PARP11: variants seen among roughly 807,000 people sequenced by gnomAD.
PARP11 encodes protein mono-ADP-ribosyltransferase PARP11.
Under a neutral mutation model 42.9 loss-of-function variants are expected in PARP11, and 31 were observed. The ratio of observed to expected loss-of-function variants is 0.72; its 90% CI spans 0.54 to 0.98. The LOEUF is 0.98. PARP11 is among the 50% of genes least tolerant of loss of function. The pLI is 0.00. For missense variants in PARP11, 365 were observed against 413.1 expected, an observed-to-expected ratio of 0.88 and a Z score of 1.01; for synonymous variants, 137 against 127.3, an observed-to-expected ratio of 1.08 and a Z score of -0.51.
intron 4 of PARP11, among the ~76,000 whole-genome samples, chr12:3,825,628 T>C (rs1947502551): frequency 6.6e-6 from 1 of 152,200 alleles, no homozygotes; most frequent in Non-Finnish European, 1.5e-5. Context: ...AATGTAAATA[T>C]ACAAGAAGGA....
chr12:3,840,687 G>A lies in PARP11; in HGVS notation c.19-10669C>T. 2 of 1,223,014 alleles carry A rather than the reference G, an allele frequency of 1.6e-6. No individual in the cohort carries two copies. Among genetic ancestry groups the A allele is most frequent in the Non-Finnish European group, 2.4e-6 (2 of 822,782 alleles). 75.8% of individuals were successfully genotyped at this position (1,223,014 alleles called of 1,614,324 possible). On this transcript the variant is annotated intron_variant, in intron 1 of 7. Transcript: ENST00000228820. This position sits in a 1 kb window ranked among gnomAD's most constrained non-coding sequence, Gnocchi z 4.4. ...CACGTAAGTGATAGAAAAGGAAGCA[G>A]GCGGAGAATGGATACAGAAGAACGA...
chr12:3,842,613 CTCTT>C, intron 1 of PARP11: 1 of 805,630 alleles, frequency 1.2e-6, no homozygotes, highest in Non-Finnish European at 2.0e-6. Context: ...CCAGTTGGAA[CTCTT>C]TCCTCTCCCC....
At chr12:3,848,247 G>T (rs1471042553) in intron 1 of PARP11, among the ~76,000 whole-genome samples, 1 of 151,956 alleles carries the variant, frequency 6.6e-6, no homozygotes, top group African/African-American at 2.4e-5. Context: ...CAATTTACAG[G>T]TTCAACATAA....
chr12:3,812,097 T>A lies in PARP11; in HGVS notation c.*26A>T. The A allele has an allele frequency of 6.6e-7, 1 of 1,521,912 alleles. No homozygotes were observed. Among genetic ancestry groups the A allele is most frequent in the Non-Finnish European group, 8.8e-7 (1 of 1,130,766 alleles). 94.3% of individuals were successfully genotyped at this position (1,521,912 alleles called of 1,614,324 possible). On this transcript the variant is annotated 3_prime_UTR_variant, in exon 8 of 8. Coordinates refer to ENST00000228820, the MANE Select transcript of PARP11 (RefSeq NM_020367.6). ...TCCTGCAAAAAAGAATAAAGCTTCC[T>A]TGACCACCGAGATTTGGAAGTGAAA...
intron 1 of PARP11, among the ~76,000 whole-genome samples, chr12:3,846,086 A>G (rs904769329): frequency 5.3e-5 from 8 of 152,244 alleles, no homozygotes; most frequent in African/African-American, 1.9e-4. Flanking sequence ...AAGTGTTAAA[A>G]GGAAACTAGT....
intron 1 of PARP11, among the ~76,000 whole-genome samples, chr12:3,858,208 A>G (rs1948225875): frequency 6.6e-6 from 1 of 152,250 alleles, no homozygotes; most frequent in African/African-American, 2.4e-5. Context: ...GAAGAAGTGA[A>G]TATCAAAGAT....
chr12:3,822,531 G>A (rs1197664270), intron 4 of PARP11, among the ~76,000 whole-genome samples: 8 of 149,728 alleles, frequency 5.3e-5, no homozygotes, highest in Admixed American at 2.7e-4. Context: ...CCCGGGAGGC[G>A]GAGCTTGCAG....
At chr12:3,863,777 T>C (rs1948340824) in intron 1 of PARP11, 1 of 152,314 alleles carries the variant, frequency 6.6e-6, no homozygotes, top group South Asian at 2.1e-4. Flanking sequence ...TGAGCCAAAG[T>C]GTACAGGGCT....
Position 3,811,615 on chromosome 12 carries a change from T to A in PARP11, c.*508A>T, listed in dbSNP as rs1036720866. On this transcript the variant is annotated 3_prime_UTR_variant, in exon 8 of 8. Coordinates refer to ENST00000228820, the MANE Select transcript of PARP11 (RefSeq NM_020367.6). ...CTGATTTCTCTCAAGGTGCTCAGACTGTTTCAGAGTTTTAAATCCCCCCTT... is the reference window on the plus strand; with the variant it reads ...CTGATTTCTCTCAAGGTGCTCAGACAGTTTCAGAGTTTTAAATCCCCCCTT... The A allele has an allele frequency of 2.0e-5, 3 of 152,528 alleles. No individual in the cohort carries two copies. Among genetic ancestry groups the A allele is most frequent in the African/African-American group, 7.2e-5 (3 of 41,472 alleles). 9.4% of individuals were successfully genotyped at this position (152,528 alleles called of 1,614,324 possible).
chr12:3,825,948 T>G (rs1335427027), intron 4 of PARP11, among the ~76,000 whole-genome samples: 1 of 152,124 alleles, frequency 6.6e-6, no homozygotes, highest in East Asian at 1.9e-4. Context: ...GCCAAGATGG[T>G]CTCGATCTCC....
At chr12:3,869,599 C>T (rs912374554) in intron 1 of PARP11, among the ~76,000 whole-genome samples, 1 of 152,218 alleles carries the variant, frequency 6.6e-6, no homozygotes, top group African/African-American at 2.4e-5. Context: ...TCCCCACCTT[C>T]CAGCCAACCT....
intron 1 of PARP11, among the ~76,000 whole-genome samples, chr12:3,835,826 A>AT (rs1947750074): frequency 6.6e-6 from 1 of 152,148 alleles, no homozygotes; most frequent in South Asian, 2.1e-4. Flanking sequence ...ATTAATAGAC[A>AT]TTATGTAACA....
At chr12:3,842,502 G>A in intron 1 of PARP11, 1 of 1,595,666 alleles carries the variant, frequency 6.3e-7, no homozygotes. Context: ...ATGGCCATAG[G>A]GGACAGCACG....
At chr12:3,819,787 A>G (rs533791982) in intron 6 of PARP11, among the ~76,000 whole-genome samples, 8 of 152,236 alleles carry the variant, frequency 5.3e-5, no homozygotes, top group African/African-American at 1.9e-4. Flanking sequence ...TAAGGCTACT[A>G]AAGACGATCA....
At chr12:3,825,242 A>C (rs1947494612) in intron 4 of PARP11, among the ~76,000 whole-genome samples, 1 of 152,248 alleles carries the variant, frequency 6.6e-6, no homozygotes, top group Non-Finnish European at 1.5e-5. Context: ...TCACATGAAT[A>C]ATAAATATGT....
At chr12:3,866,746 C>A (rs1948399415) in intron 1 of PARP11, among the ~76,000 whole-genome samples, 1 of 152,294 alleles carries the variant, frequency 6.6e-6, no homozygotes, top group Non-Finnish European at 1.5e-5. Flanking sequence ...TCAGCTAAAA[C>A]AGGTAAAAAT....
intron 1 of PARP11, among the ~76,000 whole-genome samples, chr12:3,854,205 C>T (rs1205356871): frequency 6.6e-6 from 1 of 152,070 alleles, no homozygotes; most frequent in Non-Finnish European, 1.5e-5. Context: ...AATCGACACC[C>T]TAACATCACA....
In PARP11 at chr12:3,861,143, G is replaced by C. The variant is rs1305181706; in HGVS notation, c.18+12069C>G. ...ATGCTGGTATCAGTTAAGACTCTGG[G>C]GTGATTGGGATAAAATGAATGTAAT... On this transcript the variant is annotated intron_variant, in intron 1 of 7. Coordinates refer to ENST00000228820, the MANE Select transcript of PARP11 (RefSeq NM_020367.6). The surrounding 1 kb of genome is among the most constrained non-coding windows in gnomAD (Gnocchi z 4.6). Among the ~76,000 whole-genome samples the C allele has an allele frequency of 6.6e-6, 1 of 152,188 alleles. No homozygotes were observed. Among genetic ancestry groups the C allele is most frequent in the African/African-American group, 2.4e-5 (1 of 41,430 alleles).
At chr12:3,848,227 C>T (rs771642667) in intron 1 of PARP11, among the ~76,000 whole-genome samples, 6 of 152,152 alleles carry the variant, frequency 3.9e-5, no homozygotes, top group South Asian at 2.1e-4. Context: ...AATGACAATA[C>T]TGCCCAAAGC....
Sources: allele counts gnomAD v4.1 joint callset (sites outside exome capture counted in the v4.1 genomes callset), GRCh38; gene constraint gnomAD v4.1.1; non-coding constraint Gnocchi (gnomAD v3.1); transcripts MANE v1.5; gene names NCBI Gene and HGNC (gene_info 2026-07-23, HGNC 2026-07-21).